Variants in SPAST observed in about 807,000 individuals in gnomAD.
The protein encoded by SPAST is spastic paraplegia 4 (autosomal dominant; spastin).
A neutral mutation model predicts 76.6 loss-of-function variants in SPAST; 30 were observed. That is an observed-to-expected ratio of 0.39 (90% CI 0.29 to 0.53). The LOEUF is 0.53. Among genes scored for constraint, SPAST ranks in the 20% least tolerant of loss-of-function variants. The probability of loss-of-function intolerance (pLI) is 0.68; values close to 1 mark genes in which losing one functional copy is unlikely to be tolerated. For synonymous variants in SPAST, 305 were observed against 281.0 expected (o/e 1.09, Z -0.86); for missense variants, 717 against 770.5 (o/e 0.93, Z 0.82).
At chr2:32,126,807 T>C in intron 7 of SPAST, 141 bp from the exon 8 acceptor site, 1 of 631,960 alleles carries the variant, frequency 1.6e-6, no homozygotes, top group Non-Finnish European at 2.8e-6. Context: ...TTACATTAAT[T>C]TATGATTATG....
intron 4 of SPAST, among the ~76,000 whole-genome samples, chr2:32,100,345 G>GTTTTTTTTTTTTTTTTTTT (rs1678074841): frequency 6.9e-6 from 1 of 144,288 alleles, no homozygotes. Context: ...TTTAGCAATA[G>GTTTTTTTTTTTTTTTTTTT]TTTCATGTGC....
At chr2:32,087,771 C>T (rs1170001556) in intron 2 of SPAST, among the ~76,000 whole-genome samples, 193 bp downstream of exon 2, 1 of 145,688 alleles carries the variant, frequency 6.9e-6, no homozygotes, top group Non-Finnish European at 1.5e-5. Context: ...TCATAGCTCA[C>T]TGCAACCTCA....
At chr2:32,118,929 A>T (rs1008170105) in intron 7 of SPAST, among the ~76,000 whole-genome samples, 8 of 152,206 alleles carry the variant, frequency 5.3e-5, no homozygotes, top group Non-Finnish European at 1.2e-4. Context: ...TAACATGTGA[A>T]TTTGAATTTA....
intron 3 of SPAST, among the ~76,000 whole-genome samples, chr2:32,097,840 C>G (rs937741533): frequency 1.3e-5 from 2 of 151,994 alleles, no homozygotes; most frequent in African/African-American, 2.4e-5. Flanking sequence ...ACTACAGGCG[C>G]GTGCCACCAC....
chr2:32,137,631 T>C (rs1679580875), intron 12 of SPAST, among the ~76,000 whole-genome samples: 1 of 152,330 alleles, frequency 6.6e-6, no homozygotes. Flanking sequence ...ATTTACAATA[T>C]TGCTCCATTG....
intron 1 of SPAST, among the ~76,000 whole-genome samples, chr2:32,070,796 A>AT (rs1303219227): frequency 6.6e-6 from 1 of 152,084 alleles, no homozygotes; most frequent in Non-Finnish European, 1.5e-5. Flanking sequence ...TGCTTGGCTG[A>AT]TTTTTTAATT....
intron 1 of SPAST, among the ~76,000 whole-genome samples, chr2:32,065,101 C>T (rs541149354): frequency 6.6e-6 from 1 of 151,894 alleles, no homozygotes; most frequent in East Asian, 1.9e-4. Flanking sequence ...CTCACTGCAA[C>T]CTCCGACTCC....
At chr2:32,079,010 A>C (rs1573052946) in intron 1 of SPAST, among the ~76,000 whole-genome samples, 1 of 151,766 alleles carries the variant, frequency 6.6e-6, no homozygotes, top group African/African-American at 2.4e-5. Flanking sequence ...GCTAATTTTT[A>C]TTTTTATTTT....
In SPAST at chr2:32,063,602, G is replaced by A. The variant is rs1054116052; in HGVS notation, c.-230G>A. The A allele has an allele frequency of 3.6e-6, 2 of 560,242 alleles. No homozygotes were observed. The highest frequency in any genetic ancestry group is 3.1e-6 in the Non-Finnish European group (1 of 322,956). The allele number at this position is 560,242 out of a possible 1,614,324, so 34.7% of individuals were successfully genotyped here. A position where few individuals can be genotyped will look rare whatever the true frequency, so the allele number is the denominator to read the frequency against. On this transcript the variant is annotated 5_prime_UTR_variant, in exon 1 of 17. Transcript: ENST00000315285. The stretch of plus-strand genomic sequence containing the variant: ...CAGGCGGCGGAGAGGACAGCGACAG[G>A]AAGGGAGGGGCCCGAGCCACCGACT...
chr2:32,079,525 G>GT (rs1558617207), intron 1 of SPAST, among the ~76,000 whole-genome samples: 2 of 150,816 alleles, frequency 1.3e-5, no homozygotes, highest in Non-Finnish European at 1.5e-5. Context: ...GTATTTTTTC[G>GT]TTTTTTTCCA....
chr2:32,072,469 C>G (rs1457761507), intron 1 of SPAST, among the ~76,000 whole-genome samples: 1 of 152,128 alleles, frequency 6.6e-6, no homozygotes, highest in East Asian at 1.9e-4. Flanking sequence ...TAATGCTGAT[C>G]AGTTGTCCCT....
At chr2:32,066,833 G>T (rs1162480558) in intron 1 of SPAST, among the ~76,000 whole-genome samples, 1 of 151,990 alleles carries the variant, frequency 6.6e-6, no homozygotes, top group Admixed American at 6.6e-5. Context: ...GATTAGCTAG[G>T]CGCAGTGGCA....
At chr2:32,068,214 G>A (rs1438888245) in intron 1 of SPAST, among the ~76,000 whole-genome samples, 21 of 151,832 alleles carry the variant, frequency 1.4e-4, no homozygotes, top group South Asian at 4.1e-4. Context: ...TCCTGACCTC[G>A]TGATCCACCC....
chr2:32,092,628 A>G (rs1677766721), intron 3 of SPAST, among the ~76,000 whole-genome samples: 1 of 152,200 alleles, frequency 6.6e-6, no homozygotes, highest in Non-Finnish European at 1.5e-5. Context: ...CGTTTTGGAT[A>G]TTTTAAAGTT....
At chr2:32,150,429 AT>A (rs777710584) in intron 16 of SPAST, among the ~76,000 whole-genome samples, 38 of 150,084 alleles carry the variant, frequency 2.5e-4, no homozygotes, top group Admixed American at 1.1e-3. Context: ...ATTTAATTTA[AT>A]TTAATTTATT....
intron 1 of SPAST, among the ~76,000 whole-genome samples, chr2:32,080,525 G>A (rs1677176977): frequency 6.6e-6 from 1 of 151,792 alleles, no homozygotes; most frequent in African/African-American, 2.4e-5. Flanking sequence ...AGTCTGGTTG[G>A]TTGAATTTGA....
At chr2:32,113,198 G>A (rs1200113712) in intron 4 of SPAST, among the ~76,000 whole-genome samples, 1 of 151,730 alleles carries the variant, frequency 6.6e-6, no homozygotes, top group Non-Finnish European at 1.5e-5. Context: ...TGTGATCAGG[G>A]CTCACTGCAA....
At chr2:32,118,945 A>C (rs576381130) in intron 7 of SPAST, among the ~76,000 whole-genome samples, 100 of 152,324 alleles carry the variant, frequency 6.6e-4, no homozygotes, top group Non-Finnish European at 1.4e-3. Flanking sequence ...ATTTAGGCAT[A>C]TTTTCATGGT....
chr2:32,125,506 A>G (rs1573136551), intron 7 of SPAST, among the ~76,000 whole-genome samples: 1 of 150,462 alleles, frequency 6.6e-6, no homozygotes, highest in South Asian at 2.1e-4. Flanking sequence ...TATAGGCGTG[A>G]GCCACTGCGC....
Sources: gnomAD v4.1 joint callset for allele counts (sites outside exome capture counted in the v4.1 genomes callset) on GRCh38, gnomAD v4.1.1 for gene constraint, MANE v1.5 for transcripts, NCBI Gene and HGNC (gene_info 2026-07-23, HGNC 2026-07-21) for gene names.